Variants in RXRG observed in about 807,000 individuals in gnomAD.
RXRG encodes retinoid X receptor gamma.
In RXRG, 19 loss-of-function variants were observed where a neutral mutation model predicts 49.2. The ratio of observed to expected loss-of-function variants is 0.39; its 90% CI spans 0.27 to 0.57. The LOEUF (loss-of-function observed/expected upper bound fraction) is 0.57, where lower values mean the gene tolerates loss of function less well. Among genes scored for constraint, RXRG ranks in the 20% least tolerant of loss-of-function variants. The probability of loss-of-function intolerance (pLI) is 0.64; values close to 1 mark genes in which losing one functional copy is unlikely to be tolerated. For missense variants in RXRG, 452 were observed against 592.5 expected (o/e 0.76, Z 2.46); for synonymous variants, 224 against 216.6 (o/e 1.03, Z -0.30).
intron 1 of RXRG, among the ~76,000 whole-genome samples, chr1:165,434,826 C>T (rs1658778660): frequency 6.6e-6 from 1 of 152,194 alleles, no homozygotes; most frequent in Non-Finnish European, 1.5e-5. Context: ...CTGCAGCAAA[C>T]TTACTCATAT....
chr1:165,401,225 G>A lies in RXRG; in HGVS notation c.*38C>T, dbSNP rs373440242. On this transcript the variant is annotated 3_prime_UTR_variant, in exon 10 of 10. Transcript: ENST00000359842. The stretch of plus-strand genomic sequence containing the variant: ...GTGGGGGTCCACACACACCTGCCCA[G>A]GGGTCATCCTGGGTGGGGAGGCTGT... The A allele has an allele frequency of 3.7e-6, 6 of 1,610,416 alleles. No individual in the cohort carries two copies. Among genetic ancestry groups the A allele is most frequent in the Non-Finnish European group, 5.1e-6 (6 of 1,177,770 alleles).
intron 1 of RXRG, among the ~76,000 whole-genome samples, chr1:165,442,666 A>C (rs146215739): frequency 3.3e-5 from 5 of 152,206 alleles, no homozygotes; most frequent in Non-Finnish European, 7.3e-5. Flanking sequence ...ACTATTTTGC[A>C]TGTTAGTCTC....
intron 2 of RXRG, among the ~76,000 whole-genome samples, chr1:165,423,505 G>C (rs1028712015): frequency 6.6e-6 from 1 of 152,176 alleles, no homozygotes; most frequent in Non-Finnish European, 1.5e-5. Flanking sequence ...CAAAGGTTAG[G>C]CTGCAGGCAG....
At chr1:165,402,968 CACAT>C (rs1183465531) in intron 9 of RXRG, among the ~76,000 whole-genome samples, 2 of 152,164 alleles carry the variant, frequency 1.3e-5, no homozygotes, top group African/African-American at 4.8e-5. Flanking sequence ...CATGCACTCA[CACAT>C]ACACACATGC....
intron 6 of RXRG, 121 bp from the exon 7 acceptor site, chr1:165,409,811 T>G: frequency 1.0e-6 from 1 of 967,164 alleles, no homozygotes; most frequent in Middle Eastern, 2.4e-4. Flanking sequence ...TCTAGGGAGG[T>G]TAAGAATTAG....
At chr1:165,437,913 A>C (rs1463527700) in intron 1 of RXRG, among the ~76,000 whole-genome samples, 1 of 152,232 alleles carries the variant, frequency 6.6e-6, no homozygotes, top group African/African-American at 2.4e-5. Flanking sequence ...AATGTCATTC[A>C]TTATATGCAG....
chr1:165,409,035 C>A (rs1376587784), intron 7 of RXRG, among the ~76,000 whole-genome samples: 2 of 152,220 alleles, frequency 1.3e-5, no homozygotes, highest in Non-Finnish European at 2.9e-5. Flanking sequence ...CACAGAATTT[C>A]TGTCAGGGTA....
At chr1:165,439,262 G>C (rs1658907484) in intron 1 of RXRG, among the ~76,000 whole-genome samples, 1 of 131,050 alleles carries the variant, frequency 7.6e-6, no homozygotes, top group Admixed American at 8.1e-5. Flanking sequence ...TTTAGGGGAG[G>C]GGGGCGGGGG....
chr1:165,437,068 GCTC>G (rs1375651964), intron 1 of RXRG: 1 of 1,328,660 alleles, frequency 7.5e-7, no homozygotes, highest in East Asian at 4.7e-5. Context: ...AATCTCCTTT[GCTC>G]CTCCTTTTCA....
At chr1:165,441,281 G>A (rs758283777) in intron 1 of RXRG, among the ~76,000 whole-genome samples, 1 of 152,156 alleles carries the variant, frequency 6.6e-6, no homozygotes, top group Non-Finnish European at 1.5e-5. Flanking sequence ...CAGTCCACTG[G>A]GTCTGCAACA....
At chr1:165,427,701 C>T (rs1658535586) in intron 2 of RXRG, among the ~76,000 whole-genome samples, 1 of 152,172 alleles carries the variant, frequency 6.6e-6, no homozygotes, top group Admixed American at 6.5e-5. Context: ...TTCGGCCTCC[C>T]AAAGTGCTAG....
chr1:165,425,162 G>A (rs1658445779), intron 2 of RXRG, among the ~76,000 whole-genome samples: 1 of 152,228 alleles, frequency 6.6e-6, no homozygotes, highest in Non-Finnish European at 1.5e-5. Flanking sequence ...CAGCTCTGAA[G>A]ATGAATTGAC....
intron 1 of RXRG, among the ~76,000 whole-genome samples, chr1:165,431,334 G>A (rs1188579255): frequency 6.6e-6 from 1 of 152,330 alleles, no homozygotes; most frequent in Admixed American, 6.5e-5. Flanking sequence ...TGAAAGCCAA[G>A]AAAACCAAGA....
intron 4 of RXRG, among the ~76,000 whole-genome samples, chr1:165,411,335 A>G (rs535471011): frequency 6.6e-6 from 1 of 152,308 alleles, no homozygotes; most frequent in African/African-American, 2.4e-5. Context: ...CCAATGCATT[A>G]TGGTGACGAC....
At chr1:165,423,638 C>T (rs1248315434) in intron 2 of RXRG, among the ~76,000 whole-genome samples, 1 of 143,060 alleles carries the variant, frequency 7.0e-6, no homozygotes, top group Non-Finnish European at 1.5e-5. Context: ...CTGCGACTTC[C>T]TAATCAGGTC....
chr1:165,402,159 A>G (rs1657596777), intron 9 of RXRG, among the ~76,000 whole-genome samples: 1 of 151,582 alleles, frequency 6.6e-6, no homozygotes. Flanking sequence ...GTCTCAGCTC[A>G]CTGCAACCTC....
At chr1:165,440,343 T>C (rs1658944315) in intron 1 of RXRG, among the ~76,000 whole-genome samples, 2 of 152,236 alleles carry the variant, frequency 1.3e-5, no homozygotes, top group Admixed American at 1.3e-4. Flanking sequence ...GTTTTAGTTA[T>C]GAAACGAGTT....
At chr1:165,420,600 T>C (rs1413064335) in intron 2 of RXRG, among the ~76,000 whole-genome samples, 1 of 152,180 alleles carries the variant, frequency 6.6e-6, no homozygotes, top group South Asian at 2.1e-4. Context: ...ACATGTGTAA[T>C]GGTCATCTCT....
intron 9 of RXRG, 28 bp from the exon 10 acceptor site, chr1:165,401,438 A>G: frequency 1.2e-6 from 2 of 1,612,488 alleles, no homozygotes; most frequent in South Asian, 1.1e-5. Context: ...GGCATCAGGG[A>G]CAGGGACGGG....
Sources: allele counts gnomAD v4.1 joint callset (sites outside exome capture counted in the v4.1 genomes callset), GRCh38; gene constraint gnomAD v4.1.1; transcripts MANE v1.5; gene names NCBI Gene and HGNC (gene_info 2026-07-23, HGNC 2026-07-21).